Variants in ADAMTS6 observed in about 807,000 individuals in gnomAD.
The protein encoded by ADAMTS6 is ADAM metallopeptidase with thrombospondin type 1 motif 6.
In ADAMTS6, 23 loss-of-function variants were observed where a neutral mutation model predicts 144.3. The ratio of observed to expected loss-of-function variants is 0.16; its 90% CI spans 0.11 to 0.23. The LOEUF is 0.23. ADAMTS6 is among the 10% of genes least tolerant of loss of function. The probability of loss-of-function intolerance (pLI) is 1.00; values close to 1 mark genes in which losing one functional copy is unlikely to be tolerated. For missense variants in ADAMTS6, 999 were observed against 1,379.6 expected (o/e 0.72, Z 4.37); for synonymous variants, 444 against 457.5 (o/e 0.97, Z 0.38).
intron 7 of ADAMTS6, among the ~76,000 whole-genome samples, chr5:65,377,948 T>C (rs1751704195): frequency 6.6e-6 from 1 of 152,212 alleles, no homozygotes; most frequent in Admixed American, 6.5e-5. Context: ...TTCCTTGACA[T>C]GCATCATTTC....
chr5:65,160,515 A>C (rs1292520586), intron 24 of ADAMTS6, among the ~76,000 whole-genome samples: 1 of 152,026 alleles, frequency 6.6e-6, no homozygotes, highest in Non-Finnish European at 1.5e-5. Context: ...CATGTTAGGC[A>C]GGATGGTCTC....
chr5:65,370,192 G>A (rs955866543), intron 7 of ADAMTS6, among the ~76,000 whole-genome samples: 2 of 152,178 alleles, frequency 1.3e-5, no homozygotes, highest in African/African-American at 4.8e-5. Flanking sequence ...GGTGGATCAT[G>A]AGATCTGGAG....
rs1759242988 is a variant in ADAMTS6, at chr5:65,242,135, T to C, written c.1902A>G (p.Gly634=). 6.2e-7 allele frequency: 1 copy of C among 1,604,054 alleles called. No individual in the cohort carries two copies. Among genetic ancestry groups the C allele is most frequent in the South Asian group, 1.1e-5 (1 of 89,378 alleles). The part of the protein sequence containing the change: ...CADFDNMPFR[G]KYYNWKPYTG... The stretch of plus-strand genomic sequence containing the variant: ...TATAGGGTTTCCAGTTATAATACTT[T>C]CCTCGGAAAGGCATATTGTCAAAGT... The change falls in exon 15 of 25, where the codon GGA becomes GGG. Residue 634 remains glycine (G), a synonymous_variant. Coordinates refer to ENST00000381055, the MANE Select transcript of ADAMTS6 (RefSeq NM_197941.4).
intron 21 of ADAMTS6, among the ~76,000 whole-genome samples, chr5:65,195,571 T>C (rs1435891619): frequency 3.9e-5 from 6 of 152,202 alleles, no homozygotes; most frequent in Admixed American, 3.9e-4. Context: ...AAAGGCATTA[T>C]TGCTTTGGAA....
chr5:65,222,855 T>C (rs1757426958), intron 18 of ADAMTS6, among the ~76,000 whole-genome samples: 1 of 151,942 alleles, frequency 6.6e-6, no homozygotes, highest in South Asian at 2.1e-4. Flanking sequence ...ATTAAAAAAT[T>C]AATAAATTGA....
chr5:65,245,365 T>C (rs898775657), intron 14 of ADAMTS6, among the ~76,000 whole-genome samples: 1 of 152,118 alleles, frequency 6.6e-6, no homozygotes, highest in Non-Finnish European at 1.5e-5. Context: ...AGAAGAAGAA[T>C]CTTTTTTGTA....
At chr5:65,273,277 T>C in intron 12 of ADAMTS6, 63 bp downstream of exon 12, 1 of 1,381,972 alleles carries the variant, frequency 7.2e-7, no homozygotes, top group Non-Finnish European at 1.0e-6. Context: ...TGGTTGAATA[T>C]CAGTACCAGC....
At chr5:65,311,094 TA>T in intron 9 of ADAMTS6, among the ~76,000 whole-genome samples, 1 of 152,278 alleles carries the variant, frequency 6.6e-6, no homozygotes, top group African/African-American at 2.4e-5. Flanking sequence ...ATCATCTCAG[TA>T]AATCTCTGGA....
chr5:65,226,143 GATC>G lies in ADAMTS6; in HGVS notation c.2007_2009del (p.Ile670del). The G allele has an allele frequency of 6.2e-7, 1 of 1,613,854 alleles. No individual in the cohort carries two copies. The highest frequency in any genetic ancestry group is 8.5e-7 in the Non-Finnish European group (1 of 1,179,850). On this transcript the variant is annotated inframe_deletion, in exon 16 of 25. Transcript: ENST00000381055. ...AATCCGCATTGCACTGGGTCCCATC[GATC>G]ACCGCAGGAGCACGTTCAGTGTAGA...
intron 11 of ADAMTS6, among the ~76,000 whole-genome samples, chr5:65,276,166 T>A (rs1375755419): frequency 6.6e-6 from 1 of 152,192 alleles, no homozygotes; most frequent in Non-Finnish European, 1.5e-5. Flanking sequence ...TTTCAAAACC[T>A]TAATCTGAAG....
chr5:65,430,193 A>C (rs187624192), intron 7 of ADAMTS6, among the ~76,000 whole-genome samples: 301 of 152,072 alleles, frequency 2.0e-3, no homozygotes, highest in Middle Eastern at 3.4e-3. Flanking sequence ...AAAATCAAGA[A>C]TTAACCACCA....
chr5:65,310,367 A>C (rs1054248128), intron 9 of ADAMTS6, among the ~76,000 whole-genome samples: 1 of 152,096 alleles, frequency 6.6e-6, no homozygotes. Flanking sequence ...CTCTACAAAA[A>C]ATCAAAAAGT....
rs1181254906 is a variant in ADAMTS6, at chr5:65,260,673, C to A, written c.1767-10G>T. 1 of 1,611,186 alleles carries A rather than the reference C, an allele frequency of 6.2e-7. No homozygotes were observed. On this transcript the variant is annotated splice_polypyrimidine_tract_variant and intron_variant, in intron 13 of 24. Coordinates refer to ENST00000381055, the MANE Select transcript of ADAMTS6 (RefSeq NM_197941.4). The stretch of plus-strand genomic sequence containing the variant: ...TCCACCTCCTGAAGGTCTGAAAAAA[C>A]ATTGTGTTTAAAATGTGAATACTAA...
intron 8 of ADAMTS6, among the ~76,000 whole-genome samples, chr5:65,331,904 A>G (rs1746761184): frequency 6.6e-6 from 1 of 152,008 alleles, no homozygotes; most frequent in Non-Finnish European, 1.5e-5. Context: ...TAAAAACAAT[A>G]TACAAGTTTA....
intron 11 of ADAMTS6, among the ~76,000 whole-genome samples, chr5:65,288,949 C>A (rs1033693859): frequency 6.6e-6 from 1 of 152,072 alleles, no homozygotes; most frequent in Non-Finnish European, 1.5e-5. Context: ...TATAAACCAG[C>A]GTAGATTTGT....
At chr5:65,399,519 GCTT>G (rs1347509362) in intron 7 of ADAMTS6, among the ~76,000 whole-genome samples, 3 of 151,864 alleles carry the variant, frequency 2.0e-5, no homozygotes, top group East Asian at 1.9e-4. Flanking sequence ...TATCAATTAT[GCTT>G]CTTTTTTTTT....
intron 14 of ADAMTS6, among the ~76,000 whole-genome samples, chr5:65,257,188 C>A (rs148133837): frequency 6.6e-6 from 1 of 151,742 alleles, no homozygotes; most frequent in African/African-American, 2.4e-5. Flanking sequence ...ATTTTAAGTT[C>A]CAGTAGCATC....
chr5:65,324,706 T>A (rs912267025), intron 9 of ADAMTS6, among the ~76,000 whole-genome samples: 2 of 152,006 alleles, frequency 1.3e-5, no homozygotes, highest in African/African-American at 4.8e-5. Context: ...ACAACCCAGT[T>A]TTTTAAAGTG....
At chr5:65,163,960 G>A (rs1752960023) in intron 24 of ADAMTS6, among the ~76,000 whole-genome samples, 1 of 152,196 alleles carries the variant, frequency 6.6e-6, no homozygotes, top group Non-Finnish European at 1.5e-5. Flanking sequence ...ATTGTGGCCG[G>A]GGGGTGGGGC....
Sources: gnomAD v4.1 joint callset for allele counts (sites outside exome capture counted in the v4.1 genomes callset) on GRCh38, gnomAD v4.1.1 for gene constraint, MANE v1.5 for transcripts, NCBI Gene and HGNC (gene_info 2026-07-23, HGNC 2026-07-21) for gene names.